The following ESR1 variants were observed in gnomAD, a reference collection of about 807,000 sequenced individuals.
The protein encoded by ESR1 is estrogen receptor.
In ESR1, 12 loss-of-function variants were observed where a neutral mutation model predicts 52.7. The ratio of observed to expected loss-of-function variants is 0.23; its 90% CI spans 0.15 to 0.37. The LOEUF (loss-of-function observed/expected upper bound fraction) is 0.37. Among genes scored for constraint, ESR1 ranks in the 10% least tolerant of loss-of-function variants. ESR1 has a pLI of 1.00. For missense variants in ESR1, 584 were observed against 779.7 expected (o/e 0.75, Z 2.99); for synonymous variants, 305 against 316.8 (o/e 0.96, Z 0.39).
intron 2 of ESR1, among the ~76,000 whole-genome samples, chr6:151,878,123 A>AT (rs1562504105): frequency 6.6e-6 from 1 of 152,108 alleles, no homozygotes. Context: ...CCATATACTC[A>AT]TTTTTTGTTA....
At chr6:152,012,595 G>T (rs1562669077) in intron 5 of ESR1, among the ~76,000 whole-genome samples, 1 of 152,186 alleles carries the variant, frequency 6.6e-6, no homozygotes, top group Non-Finnish European at 1.5e-5. Flanking sequence ...AAATGGTGGA[G>T]CCAGAGTTCA....
At chr6:151,816,945 G>C (rs547277561) in intron 1 of ESR1, among the ~76,000 whole-genome samples, 1 of 152,284 alleles carries the variant, frequency 6.6e-6, no homozygotes, top group East Asian at 1.9e-4. Flanking sequence ...TAAAAAGAGT[G>C]AGGGGCATTA....
chr6:151,670,893 C>T (rs191495830), intron 1 of ESR1, among the ~76,000 whole-genome samples: 2 of 151,580 alleles, frequency 1.3e-5, no homozygotes, highest in Non-Finnish European at 2.9e-5. Context: ...CTCAGCTTCC[C>T]GAGTAGCTGG....
downstream of ESR1, among the ~76,000 whole-genome samples, chr6:152,103,717 G>A (rs114200766): frequency 2.0e-3 from 306 of 152,254 alleles, 3 homozygotes; most frequent in African/African-American, 6.6e-3. Flanking sequence ...GTGAATGGAA[G>A]AATGAGTGAT....
intron 6 of ESR1, chr6:152,122,023 C>T (rs991761069): frequency 7.1e-5 from 18 of 252,188 alleles, no homozygotes; most frequent in African/African-American, 2.6e-4. Flanking sequence ...GTAGATTGTA[C>T]GACACTGACA....
At chr6:151,901,830 G>C (rs564692586) in intron 3 of ESR1, among the ~76,000 whole-genome samples, 236 of 152,184 alleles carry the variant, frequency 1.6e-3, no homozygotes, top group African/African-American at 5.3e-3. Flanking sequence ...TCCTTCACAG[G>C]GTCTGTGGAT....
chr6:152,080,427 A>G (rs1440769570), intron 6 of ESR1, among the ~76,000 whole-genome samples: 2 of 152,194 alleles, frequency 1.3e-5, no homozygotes, highest in Non-Finnish European at 2.9e-5. Flanking sequence ...AAGGAGAAAT[A>G]AAATCCTTTA....
intron 1 of ESR1, chr6:151,809,119 T>A (rs1269388406): frequency 2.6e-6 from 1 of 389,750 alleles, no homozygotes; most frequent in Non-Finnish European, 5.4e-6. Flanking sequence ...TTAAAAATAA[T>A]CTCCTGCCAG....
At chr6:152,128,373 T>C (rs1562866790) in exon 7 of ESR1, 1 of 152,240 alleles carries the variant, frequency 6.6e-6, no homozygotes, top group Non-Finnish European at 1.5e-5. Flanking sequence ...TCTGATATAC[T>C]GCAAGTCTTT....
chr6:151,859,754 G>A (rs1334224191), intron 2 of ESR1, among the ~76,000 whole-genome samples: 4 of 152,204 alleles, frequency 2.6e-5, no homozygotes, highest in African/African-American at 9.6e-5. Context: ...GGACCAACTA[G>A]CTGTTCTCAG....
intron 2 of ESR1, among the ~76,000 whole-genome samples, chr6:151,850,335 A>G (rs899652785): frequency 1.3e-5 from 2 of 150,476 alleles, no homozygotes; most frequent in Non-Finnish European, 3.0e-5. Context: ...CTTTAGAATA[A>G]GAAGAAAATT....
At chr6:151,734,686 G>T (rs900199395) in intron 2 of ESR1, among the ~76,000 whole-genome samples, 20 of 151,856 alleles carry the variant, frequency 1.3e-4, no homozygotes, top group Non-Finnish European at 2.2e-4. Context: ...GCAGTGGTGC[G>T]ATCTAGGCTC....
intron 3 of ESR1, among the ~76,000 whole-genome samples, chr6:151,889,321 T>G (rs1370908328): frequency 6.6e-6 from 1 of 152,202 alleles, no homozygotes; most frequent in African/African-American, 2.4e-5. Flanking sequence ...GACTTTTTAT[T>G]GCTGATTCAG....
intron 2 of ESR1, among the ~76,000 whole-genome samples, chr6:151,852,463 C>CAAAG (rs1786945464): frequency 6.6e-6 from 1 of 152,062 alleles, no homozygotes; most frequent in Non-Finnish European, 1.5e-5. Context: ...AGTGTATGTG[C>CAAAG]AAAGCCCTTC....
At chr6:152,116,616 A>AAAAAACACTAATGT (rs1162268179) in intron 6 of ESR1, among the ~76,000 whole-genome samples, 8 of 152,310 alleles carry the variant, frequency 5.3e-5, no homozygotes, top group East Asian at 3.9e-4. Context: ...TTTAACAATT[A>AAAAAACACTAATGT]GCCTTTAAAA....
chr6:152,063,187 G>A (rs916597415), intron 6 of ESR1, among the ~76,000 whole-genome samples: 1 of 152,080 alleles, frequency 6.6e-6, no homozygotes, highest in East Asian at 1.9e-4. Context: ...TTCTTTCTTA[G>A]GATCTTCTGT....
chr6:151,874,644 G>A (rs1222477075), intron 2 of ESR1, among the ~76,000 whole-genome samples: 1 of 152,148 alleles, frequency 6.6e-6, no homozygotes, highest in Non-Finnish European at 1.5e-5. Flanking sequence ...CTGAACTTCA[G>A]CTTCTCATAA....
At chr6:151,695,710 T>C (rs1035928161) in intron 1 of ESR1, among the ~76,000 whole-genome samples, 2 of 152,232 alleles carry the variant, frequency 1.3e-5, no homozygotes, top group Admixed American at 6.5e-5. Context: ...AATTTGAGTG[T>C]ATCTGACAGA....
chr6:151,683,277 T>C (rs1778526432), intron 1 of ESR1, among the ~76,000 whole-genome samples: 1 of 151,924 alleles, frequency 6.6e-6, no homozygotes, highest in African/African-American at 2.4e-5. Context: ...CAAGCCCAGG[T>C]GGGTGTACTT....
Sources: allele counts gnomAD v4.1 joint callset (sites outside exome capture counted in the v4.1 genomes callset), GRCh38; gene constraint gnomAD v4.1.1; transcripts MANE v1.5; gene names NCBI Gene and HGNC (gene_info 2026-07-23, HGNC 2026-07-21).